The following MTDH variants were observed in gnomAD, a reference collection of about 807,000 sequenced individuals.
MTDH encodes the protein protein LYRIC.
MTDH carries 34 observed loss-of-function variants against 72.7 expected under a neutral mutation model. The observed-to-expected ratio is 0.47, with a 90% CI of 0.36 to 0.62. The LOEUF (loss-of-function observed/expected upper bound fraction) is 0.62. Ranked by LOEUF, MTDH falls within the 20% of genes least tolerant of loss-of-function variation. The pLI is 0.00. For synonymous variants in MTDH, 266 were observed against 268.9 expected (o/e 0.99, Z 0.10); for missense variants, 677 against 699.4 (o/e 0.97, Z 0.36).
intron 9 of MTDH, 42 bp downstream of exon 9, chr8:97,713,811 C>A: frequency 1.7e-6 from 2 of 1,185,554 alleles, no homozygotes; most frequent in Non-Finnish European, 1.2e-6. Flanking sequence ...GCGCCTCCGG[C>A]TTAAAATGTG....
At chr8:97,699,447 AAAG>A (rs1195799884) in intron 6 of MTDH, among the ~76,000 whole-genome samples, 5 of 152,104 alleles carry the variant, frequency 3.3e-5, no homozygotes, top group Non-Finnish European at 5.9e-5. Flanking sequence ...AAAAAAAAAA[AAAG>A]AGAGAAATTT....
intron 1 of MTDH, among the ~76,000 whole-genome samples, chr8:97,658,349 T>C (rs1165182829): frequency 6.6e-6 from 1 of 152,348 alleles, no homozygotes; most frequent in South Asian, 2.1e-4. Flanking sequence ...CCTATGGAAA[T>C]GGGAACTGAA....
intron 2 of MTDH, among the ~76,000 whole-genome samples, chr8:97,684,590 ATTTGATCC>A (rs1344251681): frequency 1.3e-5 from 2 of 152,224 alleles, no homozygotes; most frequent in Non-Finnish European, 2.9e-5. Flanking sequence ...CATATTTACT[ATTTGATCC>A]TTTGCAGAAA....
chr8:97,719,274 C>T (rs2131081212), intron 10 of MTDH, 85 bp downstream of exon 10: 2 of 1,420,984 alleles, frequency 1.4e-6, no homozygotes, highest in Non-Finnish European at 1.9e-6. Flanking sequence ...GTGGGCAGGT[C>T]ATGAGGTCAG....
Position 97,678,331 on chromosome 8 carries a change from G to A in MTDH, c.484-8337G>A, listed in dbSNP as rs2513372. Reference sequence around the variant, plus strand: ...GTTAGGGAGAGATACCACCATGTGTGAAATTTATTTACTACATTATTTCTA... The same window carrying A: ...GTTAGGGAGAGATACCACCATGTGTAAAATTTATTTACTACATTATTTCTA... On this transcript the variant is annotated intron_variant, in intron 2 of 11. Transcript: ENST00000336273. Among the ~76,000 whole-genome samples, 254 of 152,272 alleles carry A rather than the reference G, an allele frequency of 1.7e-3. 1 individual carries two copies. The East Asian group carries it at 0.042, about 25-fold the overall frequency.
chr8:97,706,069 TAAGA>T (rs1475041286), intron 7 of MTDH, among the ~76,000 whole-genome samples: 1 of 152,118 alleles, frequency 6.6e-6, no homozygotes, highest in African/African-American at 2.4e-5. Context: ...CTGAAAAATA[TAAGA>T]AAGTACAGGT....
intron 11 of MTDH, 94 bp from the exon 12 acceptor site, chr8:97,724,506 T>A: frequency 1.2e-6 from 1 of 835,954 alleles, no homozygotes; most frequent in East Asian, 2.6e-5. Context: ...TTTTAAAACA[T>A]TGTTTCATAG....
chr8:97,661,918 CAAA>C (rs11440340), intron 2 of MTDH, among the ~76,000 whole-genome samples: 9 of 110,276 alleles, frequency 8.2e-5, no homozygotes, highest in Non-Finnish European at 1.2e-4. Context: ...GACCCTGTCT[CAAA>C]AAAAAAAAAA....
chr8:97,668,712 G>A (rs376662798), intron 2 of MTDH, among the ~76,000 whole-genome samples: 45 of 151,784 alleles, frequency 3.0e-4, no homozygotes, highest in African/African-American at 9.9e-4. Context: ...CCACCATGAC[G>A]CCTGGCTAAT....
intron 2 of MTDH, among the ~76,000 whole-genome samples, chr8:97,675,550 A>G (rs889204249): frequency 5.9e-5 from 8 of 135,254 alleles, no homozygotes; most frequent in African/African-American, 2.4e-4. Flanking sequence ...ACAGAGCAAG[A>G]CTCTGTCTCA....
intron 1 of MTDH, among the ~76,000 whole-genome samples, chr8:97,658,202 A>G (rs1034840077): frequency 3.7e-5 from 3 of 80,468 alleles, no homozygotes; most frequent in Non-Finnish European, 8.3e-5. Flanking sequence ...AGTTTAGTGG[A>G]AAATTGGGAG....
intron 2 of MTDH, among the ~76,000 whole-genome samples, chr8:97,680,263 A>T (rs1035130934): frequency 1.3e-5 from 2 of 152,014 alleles, no homozygotes; most frequent in African/African-American, 2.4e-5. Context: ...GTAGAGACAC[A>T]GTTTTGCCGT....
At chr8:97,686,157 C>G (rs571104841) in intron 2 of MTDH, among the ~76,000 whole-genome samples, 1 of 152,268 alleles carries the variant, frequency 6.6e-6, no homozygotes, top group African/African-American at 2.4e-5. Flanking sequence ...TTATGCAATC[C>G]AAAAACTGAT....
At chr8:97,674,567 A>G (rs1477358445) in intron 2 of MTDH, among the ~76,000 whole-genome samples, 1 of 152,242 alleles carries the variant, frequency 6.6e-6, no homozygotes, top group Non-Finnish European at 1.5e-5. Flanking sequence ...GAAGCAATCT[A>G]AAGTAGGAAC....
At chr8:97,714,596 A>C (rs62521702) in intron 9 of MTDH, among the ~76,000 whole-genome samples, 31,618 of 150,932 alleles carry the variant, frequency 0.21, 3,514 homozygotes, top group East Asian at 0.33. Context: ...CAGAGTAAGA[A>C]CCTGTCTCAA....
chr8:97,645,076 A>C (rs1172566469), intron 1 of MTDH, among the ~76,000 whole-genome samples, 189 bp downstream of exon 1: 1 of 152,144 alleles, frequency 6.6e-6, no homozygotes, highest in African/African-American at 2.4e-5. Context: ...GAACTCAGGA[A>C]GTATAGGACG....
intron 1 of MTDH, among the ~76,000 whole-genome samples, chr8:97,645,421 T>C (rs538155966): frequency 1.3e-5 from 2 of 152,182 alleles, no homozygotes; most frequent in South Asian, 4.1e-4. Context: ...TAGTTGGGAC[T>C]GTTAAAGGGA....
chr8:97,716,565 G>A (rs1161468521), intron 9 of MTDH, among the ~76,000 whole-genome samples: 4 of 151,988 alleles, frequency 2.6e-5, no homozygotes, highest in East Asian at 1.9e-4. Flanking sequence ...GCTGGCGCCT[G>A]TAGTCCCAGC....
In MTDH at chr8:97,644,857, G is replaced by C; in HGVS notation, c.351G>C (p.Lys117Asn). ...TCCGGAGCGAGGAACAGAAGAAGAA[G>C]AACCGGAAGAAACTGTCCGAGAAGC... ...KNLRSEEQKK[K>N]NRKKLSEKPK... The change falls in exon 1 of 12, where the codon AAG becomes AAC. Residue 117 changes from lysine (K) to asparagine (N), a missense_variant. Lys to Asn is a moderately conservative substitution (Grantham distance 94). Around this residue, in one of 3 missense-constraint regions of MTDH, gnomAD observed 467 missense variants for 469.1 expected, o/e 1.00. Coordinates refer to ENST00000336273, the MANE Select transcript of MTDH (RefSeq NM_178812.4). 1 of 1,573,190 alleles carries C rather than the reference G, an allele frequency of 6.4e-7. No individual in the cohort carries two copies. The highest frequency in any genetic ancestry group is 8.6e-7 in the Non-Finnish European group (1 of 1,167,800).
Sources: gnomAD v4.1 joint callset for allele counts (sites outside exome capture counted in the v4.1 genomes callset) on GRCh38, gnomAD v4.1.1 for gene constraint, gnomAD v4.1.1 regional missense constraint, MANE v1.5 for transcripts, NCBI Gene and HGNC (gene_info 2026-07-23, HGNC 2026-07-21) for gene names.